Variants in E2F3 observed in about 807,000 individuals in gnomAD.
E2F3 encodes the protein E2F transcription factor 3.
Under a neutral mutation model 44.4 loss-of-function variants are expected in E2F3, and 11 were observed. The ratio of observed to expected loss-of-function variants is 0.25; its 90% CI spans 0.16 to 0.41. The LOEUF is 0.41. E2F3 is among the 10% of genes least tolerant of loss of function. The pLI is 1.00. For missense variants in E2F3, 487 were observed against 583.6 expected (o/e 0.83, Z 1.70); for synonymous variants, 249 against 253.0 (o/e 0.98, Z 0.15).
chr6:20,408,477 A>G (rs1474472229), intron 1 of E2F3, among the ~76,000 whole-genome samples: 3 of 152,180 alleles, frequency 2.0e-5, no homozygotes, highest in East Asian at 1.9e-4. Flanking sequence ...TCTTTCCCCA[A>G]CCTTAACTGG....
At chr6:20,432,863 AG>A (rs1319155893) in intron 1 of E2F3, among the ~76,000 whole-genome samples, 1 of 152,184 alleles carries the variant, frequency 6.6e-6, no homozygotes, top group African/African-American at 2.4e-5. Context: ...TTCCTGCCTC[AG>A]GGCCTTTGCA....
At chr6:20,459,823 TC>T (rs1014833646) in intron 1 of E2F3, among the ~76,000 whole-genome samples, 88 of 152,204 alleles carry the variant, frequency 5.8e-4, no homozygotes, top group African/African-American at 2.1e-3. Context: ...GCACCTGTAG[TC>T]CCAGCTACTT....
intron 1 of E2F3, among the ~76,000 whole-genome samples, chr6:20,469,764 T>C (rs970850218): frequency 6.6e-6 from 1 of 152,156 alleles, no homozygotes; most frequent in African/African-American, 2.4e-5. Flanking sequence ...GGGGATACGG[T>C]TGGAGTTTTC....
intron 1 of E2F3, among the ~76,000 whole-genome samples, chr6:20,473,628 G>A (rs1302403689): frequency 6.6e-6 from 1 of 152,162 alleles, no homozygotes; most frequent in African/African-American, 2.4e-5. Context: ...TGTGGCATGT[G>A]TGCCTTTGGG....
chr6:20,427,222 A>G (rs1760245491), intron 1 of E2F3, among the ~76,000 whole-genome samples: 1 of 152,180 alleles, frequency 6.6e-6, no homozygotes, highest in South Asian at 2.1e-4. Context: ...GGGAATCACA[A>G]ACCCTCCCTA....
chr6:20,486,592 C>T (rs1277103478), intron 4 of E2F3, 97 bp from the exon 5 acceptor site: 1 of 731,924 alleles, frequency 1.4e-6, no homozygotes, highest in Non-Finnish European at 2.3e-6. Flanking sequence ...ACTTCTAAGT[C>T]ATAAAATACT....
chr6:20,447,568 A>T (rs889597343), intron 1 of E2F3, among the ~76,000 whole-genome samples: 1 of 151,592 alleles, frequency 6.6e-6, no homozygotes, highest in Non-Finnish European at 1.5e-5. Context: ...AGTGATTTGC[A>T]CTGATCTAGC....
At chr6:20,486,910 A>G (rs1209379733) in intron 5 of E2F3, 107 bp downstream of exon 5, 1 of 677,540 alleles carries the variant, frequency 1.5e-6, no homozygotes, top group African/African-American at 1.8e-5. Context: ...TATGAACTTG[A>G]TGGTTCTTTC....
At chr6:20,447,785 G>T (rs993817178) in intron 1 of E2F3, among the ~76,000 whole-genome samples, 2 of 152,082 alleles carry the variant, frequency 1.3e-5, no homozygotes, top group African/African-American at 4.8e-5. Flanking sequence ...CAGTAAATTG[G>T]GTTTTCTAGT....
intron 2 of E2F3, 79 bp from the exon 3 acceptor site, chr6:20,481,127 T>C: frequency 6.7e-6 from 9 of 1,343,454 alleles, no homozygotes; most frequent in Non-Finnish European, 9.4e-6. Context: ...AAAGAGAGCT[T>C]GCTTGACTGC....
intron 1 of E2F3, among the ~76,000 whole-genome samples, chr6:20,466,453 G>A (rs1411995727): frequency 6.6e-6 from 1 of 152,168 alleles, no homozygotes; most frequent in East Asian, 1.9e-4. Flanking sequence ...TCTTGCAGAA[G>A]TAAGGTAGTA....
chr6:20,445,777 C>T (rs1581609273), intron 1 of E2F3, among the ~76,000 whole-genome samples: 1 of 152,126 alleles, frequency 6.6e-6, no homozygotes, highest in Non-Finnish European at 1.5e-5. Flanking sequence ...TTCCAAAATA[C>T]GTACAATGTT....
chr6:20,481,164 TC>T lies in E2F3; in HGVS notation c.506-37del, dbSNP rs780656274. The stretch of plus-strand genomic sequence containing the variant: ...AAGACACCCTTCATTTCTTTACCTT[TC>T]CCCCTATCCCCCACCCGCTCGGTTT... On this transcript the variant is annotated intron_variant, in intron 2 of 6. Coordinates refer to ENST00000346618, the MANE Select transcript of E2F3 (RefSeq NM_001949.5). 12 of 1,585,918 alleles carry T rather than the reference TC, an allele frequency of 7.6e-6. No individual in the cohort carries two copies. In the East Asian group the frequency reaches 1.6e-4, roughly 21 times the overall value.
At chr6:20,421,736 C>G (rs1051769072) in intron 1 of E2F3, 2 of 152,248 alleles carry the variant, frequency 1.3e-5, no homozygotes, top group African/African-American at 4.8e-5. Context: ...GGTGGTCCCC[C>G]ACTCCCAGGA....
Position 20,411,553 on chromosome 6 carries a change from C to T in E2F3, c.393+8928C>T, listed in dbSNP as rs150525839. ...ATTAATTACCACCTTTTCCTGCCAT[C>T]AAGGGATGGTGAAATCTTGCCTTTT... On this transcript the variant is annotated intron_variant, in intron 1 of 6. Transcript: ENST00000346618. Among the ~76,000 whole-genome samples the T allele has an allele frequency of 1.8e-3, 280 of 152,330 alleles. 1 individual carries two copies. The highest frequency in any genetic ancestry group is 6.4e-3 in the African/African-American group (264 of 41,558).
At chr6:20,449,828 G>A (rs566318162) in intron 1 of E2F3, among the ~76,000 whole-genome samples, 1 of 152,168 alleles carries the variant, frequency 6.6e-6, no homozygotes, top group South Asian at 2.1e-4. Context: ...GTGTCCATAT[G>A]TTCTTATAAT....
chr6:20,433,205 C>A (rs948952995), intron 1 of E2F3, among the ~76,000 whole-genome samples: 5 of 152,118 alleles, frequency 3.3e-5, no homozygotes, highest in Non-Finnish European at 7.4e-5. Flanking sequence ...AGCCTCAGCC[C>A]CTTTCTAATG....
intron 1 of E2F3, among the ~76,000 whole-genome samples, chr6:20,432,724 G>A (rs1422127360): frequency 6.6e-6 from 1 of 152,168 alleles, no homozygotes; most frequent in Non-Finnish European, 1.5e-5. Flanking sequence ...CCTCTTCCAG[G>A]GTCTTGTGGA....
intron 1 of E2F3, among the ~76,000 whole-genome samples, chr6:20,404,768 A>G (rs1158280595): frequency 1.3e-5 from 2 of 152,206 alleles, no homozygotes; most frequent in East Asian, 3.8e-4. Flanking sequence ...GAAACGGAGC[A>G]CAGTACCTGC....
Sources: allele counts gnomAD v4.1 joint callset (sites outside exome capture counted in the v4.1 genomes callset), GRCh38; gene constraint gnomAD v4.1.1; transcripts MANE v1.5; gene names NCBI Gene and HGNC (gene_info 2026-07-23, HGNC 2026-07-21).